LOXHD1: variants seen among roughly 807,000 people sequenced by gnomAD.
LOXHD1 encodes lipoxygenase homology PLAT domains 1.
LOXHD1 carries 205 observed loss-of-function variants against 248.2 expected under a neutral mutation model. That is an observed-to-expected ratio of 0.83 (90% CI 0.74 to 0.93). LOXHD1 has a LOEUF of 0.93. LOXHD1 is among the 40% of genes least tolerant of loss of function. The pLI is 0.00. For missense variants in LOXHD1, 2,930 were observed against 2,971.6 expected (o/e 0.99, Z 0.33); for synonymous variants, 1,113 against 1,162.8 (o/e 0.96, Z 0.87).
At chr18:46,632,217 T>G (rs758174377) in intron 4 of LOXHD1, among the ~76,000 whole-genome samples, 13 of 152,114 alleles carry the variant, frequency 8.5e-5, no homozygotes, top group Middle Eastern at 3.2e-3. Flanking sequence ...TGTCTCAAAG[T>G]CATATAGCTA....
intron 6 of LOXHD1, among the ~76,000 whole-genome samples, chr18:46,609,925 G>A (rs2038479474): frequency 6.6e-6 from 1 of 152,180 alleles, no homozygotes; most frequent in Non-Finnish European, 1.5e-5. Context: ...ACTTTGAATG[G>A]AATATGTTTT....
At chr18:46,550,522 G>A (rs1454936209) in intron 21 of LOXHD1, among the ~76,000 whole-genome samples, 2 of 141,744 alleles carry the variant, frequency 1.4e-5, no homozygotes, top group African/African-American at 5.2e-5. Flanking sequence ...GCAGTGAGCC[G>A]AGATTGCGCC....
chr18:46,640,187 A>C (rs976458486), intron 3 of LOXHD1, among the ~76,000 whole-genome samples: 2 of 152,146 alleles, frequency 1.3e-5, no homozygotes, highest in African/African-American at 2.4e-5. Flanking sequence ...GGATACACAC[A>C]ACACTTCTTG....
intron 20 of LOXHD1, chr18:46,559,220 G>A: frequency 6.7e-7 from 1 of 1,491,662 alleles, no homozygotes; most frequent in Non-Finnish European, 8.9e-7. Flanking sequence ...TGTTCCTGTG[G>A]GTCAGCTGGC....
At chr18:46,559,196 C>T (rs943542727) in intron 20 of LOXHD1, 33 of 1,460,484 alleles carry the variant, frequency 2.3e-5, no homozygotes, top group African/African-American at 9.8e-5. Flanking sequence ...TGCCACTCAA[C>T]GCCATTCTCT....
intron 6 of LOXHD1, among the ~76,000 whole-genome samples, chr18:46,609,389 A>T (rs929150339): frequency 2.8e-4 from 42 of 152,256 alleles, no homozygotes; most frequent in Non-Finnish European, 6.2e-4. Flanking sequence ...CCTTGCAGCC[A>T]AATATTTTCC....
intron 33 of LOXHD1, chr18:46,520,199 G>A: frequency 2.2e-6 from 1 of 458,184 alleles, no homozygotes; most frequent in Non-Finnish European, 4.4e-6. Context: ...AGAGTGGCAG[G>A]CCCCCACACT....
chr18:46,573,586 T>C (rs548781609), intron 14 of LOXHD1, among the ~76,000 whole-genome samples: 1 of 152,278 alleles, frequency 6.6e-6, no homozygotes, highest in Non-Finnish European at 1.5e-5. Context: ...ACAGAGCCTG[T>C]AAAAGAAGCC....
At chr18:46,544,416 A>C (rs991820379) in intron 23 of LOXHD1, among the ~76,000 whole-genome samples, 137 of 152,306 alleles carry the variant, frequency 9.0e-4, no homozygotes, top group African/African-American at 3.1e-3. Flanking sequence ...AAGCCGATTA[A>C]TTTCTTTGAT....
At chr18:46,627,297 G>A (rs1335866042) in intron 4 of LOXHD1, among the ~76,000 whole-genome samples, 4 of 152,180 alleles carry the variant, frequency 2.6e-5, no homozygotes, top group African/African-American at 7.2e-5. Flanking sequence ...GCCACCAGCA[G>A]AGACCCAGCC....
chr18:46,559,201 T>G, intron 20 of LOXHD1: 5 of 1,461,432 alleles, frequency 3.4e-6, no homozygotes, highest in Middle Eastern at 1.8e-4. Flanking sequence ...CTCAACGCCA[T>G]TCTCTGTTTG....
In LOXHD1 at chr18:46,514,264, C is replaced by T. The variant is rs560272631; in HGVS notation, c.5399+3865G>A. Among the ~76,000 whole-genome samples, 3 of 152,244 alleles carry T rather than the reference C, an allele frequency of 2.0e-5. No individual in the cohort carries two copies. The East Asian group carries it at 5.8e-4, about 29-fold the overall frequency. On this transcript the variant is annotated intron_variant, in intron 34 of 40. Coordinates refer to ENST00000642948, the MANE Select transcript of LOXHD1 (RefSeq NM_001384474.1). ...TACAGATGGTGCTTTGAGAGGGGTG[C>T]CCAGCAGTGAGTGCAGGAACTTTTC...
chr18:46,560,091 C>A lies in LOXHD1; in HGVS notation c.3053G>T (p.Gly1018Val). 1 of 1,492,836 alleles carries A rather than the reference C, an allele frequency of 6.7e-7. No individual in the cohort carries two copies. The highest frequency in any genetic ancestry group is 1.2e-5 in the South Asian group (1 of 82,954). The allele number at this position is 1,492,836 out of a possible 1,614,324, so 92.5% of individuals were successfully genotyped here. The change falls in exon 19 of 41, where the codon GGT (glycine) becomes GTT (valine). Residue 1018 changes from glycine (G) to valine (V), a missense_variant. By Grantham distance (109) the Gly-to-Val change is moderately radical (BLOSUM62 -3). Transcript: ENST00000642948. ...CCCCACGACCCACTTACGCTCAGGACCCGGCTTGCCAGCTGGCACCAACTC... is the reference window on the plus strand; with the variant it reads ...CCCCACGACCCACTTACGCTCAGGAACCGGCTTGCCAGCTGGCACCAACTC... ...VVELVPAGKP[G>V]PERNTYEVQV...
chr18:46,618,052 C>G (rs549718418), intron 5 of LOXHD1, 140 bp downstream of exon 5: 2 of 628,176 alleles, frequency 3.2e-6, no homozygotes, highest in Non-Finnish European at 5.6e-6. Context: ...TCACTCCAAA[C>G]CACATCACAA....
At chr18:46,561,689 A>G (rs1376671188) in intron 18 of LOXHD1, among the ~76,000 whole-genome samples, 5 of 152,140 alleles carry the variant, frequency 3.3e-5, no homozygotes, top group Non-Finnish European at 5.9e-5. Flanking sequence ...CCTGTTCATG[A>G]GTCCACAATG....
intron 16 of LOXHD1, 107 bp downstream of exon 16, chr18:46,569,335 T>C (rs1047983680): frequency 1.1e-6 from 1 of 932,032 alleles, no homozygotes; most frequent in African/African-American, 1.6e-5. Flanking sequence ...TGTACATGAG[T>C]GTGTGCGTGT....
intron 27 of LOXHD1, 134 bp downstream of exon 27, chr18:46,534,201 T>C (rs1162620327): frequency 3.2e-6 from 2 of 620,118 alleles, no homozygotes; most frequent in African/African-American, 3.7e-5. Context: ...CTGAGTGAAC[T>C]GGGTGAATTT....
intron 37 of LOXHD1, among the ~76,000 whole-genome samples, chr18:46,490,838 G>A (rs1260367360): frequency 6.6e-6 from 1 of 152,128 alleles, no homozygotes; most frequent in African/African-American, 2.4e-5. Context: ...TTCTACATTA[G>A]GGCCAATTCC....
At chr18:46,635,903 G>A (rs796813740) in intron 4 of LOXHD1, among the ~76,000 whole-genome samples, 25 of 152,272 alleles carry the variant, frequency 1.6e-4, no homozygotes, top group African/African-American at 5.8e-4. Context: ...GATTGAGGGA[G>A]CACAAACAAC....
Sources: gnomAD v4.1 joint callset for allele counts (sites outside exome capture counted in the v4.1 genomes callset) on GRCh38, gnomAD v4.1.1 for gene constraint, MANE v1.5 for transcripts, NCBI Gene and HGNC (gene_info 2026-07-23, HGNC 2026-07-21) for gene names.